Variants in TEAD1 observed in about 807,000 individuals in gnomAD.
TEAD1 encodes the protein TEA domain transcription factor 1.
A neutral mutation model predicts 54.9 loss-of-function variants in TEAD1; 9 were observed. That is an observed-to-expected ratio of 0.16 (90% confidence interval 0.10 to 0.29). The LOEUF (loss-of-function observed/expected upper bound fraction) is 0.29. Ranked by LOEUF, TEAD1 falls within the 10% of genes least tolerant of loss-of-function variation. The pLI, the probability that TEAD1 is intolerant of heterozygous loss-of-function variation, is 1.00. For synonymous variants in TEAD1, 200 were observed against 187.8 expected (o/e 1.07, Z -0.53); for missense variants, 387 against 535.9 (o/e 0.72, Z 2.74).
chr11:12,903,672 C>T (rs190339951), intron 10 of TEAD1, among the ~76,000 whole-genome samples: 16 of 152,166 alleles, frequency 1.1e-4, no homozygotes, highest in Non-Finnish European at 2.1e-4. Flanking sequence ...ATTAGTCAGG[C>T]GTGGTGGTGC....
intron 2 of TEAD1, among the ~76,000 whole-genome samples, chr11:12,730,213 C>A (rs61278776): frequency 0.13 from 19,464 of 152,046 alleles, 4,251 homozygotes; most frequent in African/African-American, 0.45. Flanking sequence ...TTGTCTCTTG[C>A]TTGTATAGCA....
chr11:12,859,520 C>T (rs974476352), intron 3 of TEAD1, among the ~76,000 whole-genome samples: 11 of 152,140 alleles, frequency 7.2e-5, no homozygotes, highest in South Asian at 2.1e-4. Context: ...CTGTTGTCAG[C>T]GAGCCTTCAA....
chr11:12,745,448 TCTTC>T (rs1944727486), intron 2 of TEAD1, among the ~76,000 whole-genome samples: 2 of 152,086 alleles, frequency 1.3e-5, no homozygotes, highest in Non-Finnish European at 2.9e-5. Context: ...GGTGATAAGT[TCTTC>T]TATGAAATTT....
chr11:12,835,404 G>A (rs190178437), intron 3 of TEAD1, among the ~76,000 whole-genome samples: 201 of 152,130 alleles, frequency 1.3e-3, no homozygotes, highest in Non-Finnish European at 1.5e-3. Flanking sequence ...GTGCAGTGGC[G>A]CAGTCTCGGT....
rs574161316 is a variant in TEAD1 at position 12,783,736 on chromosome 11, C to T, written c.202+19302C>T. On this transcript the variant is annotated intron_variant, in intron 3 of 12. Transcript: ENST00000527636. ...TGGACAAAGTGGAAGAGAGAGAAAG[C>T]TGAAGGCAGAGAGATGTGAAAATAC... 2.6e-5 allele frequency among the ~76,000 whole-genome samples: 4 copies of T among 152,274 alleles called. No individual in the cohort carries two copies. In the South Asian group the frequency reaches 8.3e-4, roughly 32 times the overall value.
intron 3 of TEAD1, among the ~76,000 whole-genome samples, chr11:12,802,122 A>G (rs984166913): frequency 6.6e-6 from 1 of 152,176 alleles, no homozygotes; most frequent in African/African-American, 2.4e-5. Flanking sequence ...TTTGAACTAG[A>G]TATAGCTCAA....
intron 3 of TEAD1, among the ~76,000 whole-genome samples, chr11:12,813,096 A>C (rs1420166078): frequency 6.6e-6 from 1 of 152,142 alleles, no homozygotes; most frequent in Non-Finnish European, 1.5e-5. Context: ...CAGACAGTCC[A>C]GCCGGCTTGG....
intron 2 of TEAD1, among the ~76,000 whole-genome samples, chr11:12,692,211 G>A (rs1021708205): frequency 7.2e-5 from 11 of 152,112 alleles, no homozygotes; most frequent in Non-Finnish European, 1.2e-4. Flanking sequence ...CATAGACTAT[G>A]CACTTAGGCC....
intron 3 of TEAD1, among the ~76,000 whole-genome samples, chr11:12,789,888 C>T (rs1338421265): frequency 6.6e-6 from 1 of 152,240 alleles, no homozygotes; most frequent in Non-Finnish European, 1.5e-5. Flanking sequence ...GGGGGCTCAG[C>T]GTAACAGACC....
chr11:12,747,147 T>A (rs916418682), intron 2 of TEAD1, among the ~76,000 whole-genome samples: 4 of 152,140 alleles, frequency 2.6e-5, no homozygotes, highest in Non-Finnish European at 4.4e-5. Flanking sequence ...TTAAGAATCA[T>A]CAAAATTGTA....
chr11:12,929,787 C>T lies in TEAD1; in HGVS notation c.1015-387C>T, dbSNP rs12222237. Among the ~76,000 whole-genome samples the T allele has an allele frequency of 1.9e-3, 289 of 152,190 alleles. 5 individuals are homozygous for T. In the East Asian group the frequency reaches 0.046, roughly 24 times the overall value. ...AGAGATTAGCTATATTGGTTGTTAA[C>T]CTATGAGGCTTTATCACAATAAAGA... On this transcript the variant is annotated intron_variant, in intron 11 of 12. Transcript: ENST00000527636.
In TEAD1 at chr11:12,830,760, ACG is replaced by A. The variant is rs1491401785; in HGVS notation, c.203-31488_203-31487del. Among the ~76,000 whole-genome samples, 764 of 148,890 alleles carry A rather than the reference ACG, an allele frequency of 5.1e-3. 11 individuals carry two copies. Among genetic ancestry groups the A allele is most frequent in the South Asian group, 4.2e-3 (20 of 4,802 alleles). On this transcript the variant is annotated intron_variant, in intron 3 of 12. Transcript: ENST00000527636. ...TTTGCAATCACACACACACACATGC[ACG>A]CACACGCACATGCACATGCACATGC...
At chr11:12,697,352 T>C (rs2133833127) in intron 2 of TEAD1, among the ~76,000 whole-genome samples, 1 of 152,180 alleles carries the variant, frequency 6.6e-6, no homozygotes, top group African/African-American at 2.4e-5. Context: ...AGGAGACCAG[T>C]ATGGTTGGGG....
intron 2 of TEAD1, among the ~76,000 whole-genome samples, chr11:12,676,650 A>G (rs1943099124): frequency 1.3e-5 from 2 of 152,170 alleles, no homozygotes; most frequent in Admixed American, 6.5e-5. Flanking sequence ...CTCAGGAAAG[A>G]CAAATGGATT....
At position 12,794,736 on chromosome 11, in the gene TEAD1, C is replaced by T. The variant is rs74560926; in HGVS notation, c.202+30302C>T. ...GCTCCTGCAACCCGGCAGGAGCACCCGAGTGGGTGTGCATGCACATAATGG... is the reference window on the plus strand; with the variant it reads ...GCTCCTGCAACCCGGCAGGAGCACCTGAGTGGGTGTGCATGCACATAATGG... On this transcript the variant is annotated intron_variant, in intron 3 of 12. Transcript: ENST00000527636. Among the ~76,000 whole-genome samples the T allele has an allele frequency of 7.4e-3, 1,127 of 152,302 alleles. 14 individuals are homozygous for T. The highest frequency in any genetic ancestry group is 0.026 in the African/African-American group (1,073 of 41,562).
intron 3 of TEAD1, among the ~76,000 whole-genome samples, chr11:12,796,739 A>T (rs1256664239): frequency 6.6e-6 from 1 of 151,540 alleles, no homozygotes; most frequent in South Asian, 2.1e-4. Context: ...AAAAAAAAAA[A>T]TTTAGCAATT....
intron 2 of TEAD1, among the ~76,000 whole-genome samples, chr11:12,718,489 G>A (rs1944111731): frequency 6.6e-6 from 1 of 152,048 alleles, no homozygotes; most frequent in Non-Finnish European, 1.5e-5. Context: ...TTGGTCTCTG[G>A]GTATCCTTCC....
intron 3 of TEAD1, among the ~76,000 whole-genome samples, chr11:12,847,570 A>G (rs1336158282): frequency 3.3e-5 from 5 of 152,230 alleles, no homozygotes; most frequent in African/African-American, 9.6e-5. Flanking sequence ...TTTTAGAGAC[A>G]GAAGTGTGTG....
intron 3 of TEAD1, among the ~76,000 whole-genome samples, chr11:12,839,995 C>G (rs529775510): frequency 1.5e-4 from 23 of 152,024 alleles, no homozygotes; most frequent in Middle Eastern, 3.4e-3. Flanking sequence ...CGCCTGTAAT[C>G]CAAGCACTTT....
Sources: allele counts gnomAD v4.1 joint callset (sites outside exome capture counted in the v4.1 genomes callset), GRCh38; gene constraint gnomAD v4.1.1; transcripts MANE v1.5; gene names NCBI Gene and HGNC (gene_info 2026-07-23, HGNC 2026-07-21).